RAPGEF1: variants seen among roughly 807,000 people sequenced by gnomAD.
The protein encoded by RAPGEF1 is CRK SH3-binding GNRP.
RAPGEF1 carries 33 observed loss-of-function variants against 143.3 expected under a neutral mutation model. That is an observed-to-expected ratio of 0.23 (90% CI 0.17 to 0.31). RAPGEF1 has a LOEUF of 0.31. RAPGEF1 is among the 10% of genes least tolerant of loss of function. The pLI is 1.00. For synonymous variants in RAPGEF1, 629 were observed against 676.5 expected (o/e 0.93, Z 1.09); for missense variants, 1,199 against 1,645.4 (o/e 0.73, Z 4.69).
chr9:131,672,495 G>T (rs1376191635), intron 1 of RAPGEF1, among the ~76,000 whole-genome samples: 1 of 152,170 alleles, frequency 6.6e-6, no homozygotes, highest in African/African-American at 2.4e-5. Flanking sequence ...CTGGGGAAGG[G>T]ACCCAGGACA....
At chr9:131,622,443 G>A (rs977661471) in intron 10 of RAPGEF1, among the ~76,000 whole-genome samples, 1 of 152,160 alleles carries the variant, frequency 6.6e-6, no homozygotes, top group Non-Finnish European at 1.5e-5. Flanking sequence ...AGGCTTCTCT[G>A]CAAACCCCAA....
chr9:131,630,731 C>T (rs1405745093), intron 5 of RAPGEF1, among the ~76,000 whole-genome samples: 2 of 152,084 alleles, frequency 1.3e-5, no homozygotes, highest in Non-Finnish European at 2.9e-5. Flanking sequence ...TGGGTGGTTT[C>T]CCAAGGCGAG....
Position 131,628,173 on chromosome 9 carries a change from G to GC in RAPGEF1, c.1018-78dup. On this transcript the variant is annotated intron_variant, in intron 8 of 26. Transcript: ENST00000683357. This position sits in a 1 kb window ranked among gnomAD's most constrained non-coding sequence, Gnocchi z 5.7. Reference sequence around the variant, plus strand: ...ACAGACCAGGGGTGAGGCAACCGGTGCATTTACTTAGAGAAGGAAATACTG... The same window carrying GC: ...ACAGACCAGGGGTGAGGCAACCGGTGCCATTTACTTAGAGAAGGAAATACTG... 1 of 1,318,302 alleles carries GC rather than the reference G, an allele frequency of 7.6e-7. No homozygotes were observed. Among genetic ancestry groups the GC allele is most frequent in the Non-Finnish European group, 1.0e-6 (1 of 989,556 alleles). 81.7% of individuals were successfully genotyped at this position (1,318,302 alleles called of 1,614,324 possible). A position where few individuals can be genotyped will look rare whatever the true frequency, so the allele number is the denominator to read the frequency against.
intron 1 of RAPGEF1, among the ~76,000 whole-genome samples, chr9:131,731,535 A>G (rs1013264264): frequency 6.6e-6 from 1 of 152,238 alleles, no homozygotes; most frequent in Admixed American, 6.5e-5. Context: ...TTCTCATTCC[A>G]TGTCCTTCCT....
intron 1 of RAPGEF1, among the ~76,000 whole-genome samples, chr9:131,708,420 A>G (rs1835248183): frequency 6.6e-6 from 1 of 152,160 alleles, no homozygotes; most frequent in African/African-American, 2.4e-5. Context: ...GCACTGAGAC[A>G]CTATTAAAGG....
chr9:131,619,067 C>T lies in RAPGEF1; in HGVS notation c.2045G>A (p.Ser682Asn). The change falls in exon 12 of 27, where the codon AGC (serine) becomes AAC (asparagine). Residue 682 changes from serine (S) to asparagine (N), a missense_variant. Coordinates refer to ENST00000683357, the MANE Select transcript of RAPGEF1 (RefSeq NM_001377935.1). ...GCAACTCACCGAGGGCACGGGCAAG[C>T]TGCCGTGCCGGCTGAGAAAGGAGTT... ...VSNSFLSRHG[S>N]LPVPSYKSVF... is the part of the protein sequence containing the mutation. 1 of 1,359,562 alleles carries T rather than the reference C, an allele frequency of 7.4e-7. No homozygotes were observed. The highest frequency in any genetic ancestry group is 9.8e-7 in the Non-Finnish European group (1 of 1,019,132). The allele number at this position is 1,359,562 out of a possible 1,614,324, so 84.2% of individuals were successfully genotyped here.
At chr9:131,652,920 A>C (rs1239799943) in intron 1 of RAPGEF1, among the ~76,000 whole-genome samples, 1 of 152,232 alleles carries the variant, frequency 6.6e-6, no homozygotes. Context: ...CAGGTGAGTA[A>C]TGCATTGCGC....
intron 15 of RAPGEF1, among the ~76,000 whole-genome samples, chr9:131,598,866 C>G (rs1360362659): frequency 6.6e-6 from 1 of 151,058 alleles, no homozygotes; most frequent in Non-Finnish European, 1.5e-5. Context: ...GCTCTGTCAC[C>G]CAGGCTGGAG....
chr9:131,602,231 G>C lies in RAPGEF1; in HGVS notation c.2413-82C>G, dbSNP rs1318379721. On this transcript the variant is annotated intron_variant, in intron 14 of 26. Coordinates refer to ENST00000683357, the MANE Select transcript of RAPGEF1 (RefSeq NM_001377935.1). ...GTCTTCCCAGCATTCCTGCCTGCAAGTGGCTGTGGAGTGCAAGTTCCTATG... is the reference window on the plus strand; with the variant it reads ...GTCTTCCCAGCATTCCTGCCTGCAACTGGCTGTGGAGTGCAAGTTCCTATG... 8 of 1,065,640 alleles carry C rather than the reference G, an allele frequency of 7.5e-6. No homozygotes were observed. The African/African-American group carries it at 1.3e-4, about 17-fold the overall frequency. The allele number at this position is 1,065,640 out of a possible 1,614,324, so 66.0% of individuals were successfully genotyped here.
chr9:131,732,254 AT>A (rs1180862945), intron 1 of RAPGEF1, among the ~76,000 whole-genome samples: 2 of 146,714 alleles, frequency 1.4e-5, no homozygotes, highest in Non-Finnish European at 3.0e-5. Flanking sequence ...AAAAAAAAAA[AT>A]AACAAGTAGG....
chr9:131,713,413 C>A (rs1403760271), intron 1 of RAPGEF1, among the ~76,000 whole-genome samples: 1 of 152,106 alleles, frequency 6.6e-6, no homozygotes, highest in African/African-American at 2.4e-5. Flanking sequence ...GGATCCAGCC[C>A]CCAAATCTTT....
At chr9:131,737,495 C>G in intron 1 of RAPGEF1, 1 of 1,613,550 alleles carries the variant, frequency 6.2e-7, no homozygotes, top group Non-Finnish European at 8.5e-7. Context: ...GGAGCAGGCA[C>G]TTTCATCTAC....
At chr9:131,707,592 C>T (rs1435503400) in intron 1 of RAPGEF1, among the ~76,000 whole-genome samples, 1 of 152,114 alleles carries the variant, frequency 6.6e-6, no homozygotes, top group African/African-American at 2.4e-5. Context: ...AGATGTGCAC[C>T]AGCACGCCTG....
intron 1 of RAPGEF1, chr9:131,709,475 A>G: frequency 2.9e-6 from 2 of 692,324 alleles, no homozygotes; most frequent in South Asian, 1.9e-5. Flanking sequence ...AGAATTGTGA[A>G]TTTTCTTGAA....
In RAPGEF1 at chr9:131,675,591, T is replaced by C. The variant is rs1461923813; in HGVS notation, c.62-24642A>G. On this transcript the variant is annotated intron_variant, in intron 1 of 26. Coordinates refer to ENST00000683357, the MANE Select transcript of RAPGEF1 (RefSeq NM_001377935.1). This position sits in a 1 kb window ranked among gnomAD's most constrained non-coding sequence, Gnocchi z 4.6. ...AAAAATGAATTCCCCAACCATGTCTTACAGCAAATTGCCACAAGGCAAAAT... is the reference window on the plus strand; with the variant it reads ...AAAAATGAATTCCCCAACCATGTCTCACAGCAAATTGCCACAAGGCAAAAT... Among the ~76,000 whole-genome samples, 1 of 152,216 alleles carries C rather than the reference T, an allele frequency of 6.6e-6. No individual in the cohort carries two copies. Among genetic ancestry groups the C allele is most frequent in the Non-Finnish European group, 1.5e-5 (1 of 68,038 alleles).
intron 10 of RAPGEF1, among the ~76,000 whole-genome samples, chr9:131,625,442 C>T (rs185652339): frequency 3.0e-4 from 46 of 152,298 alleles, no homozygotes; most frequent in African/African-American, 1.1e-3. Flanking sequence ...TGCTGGGCAA[C>T]CCCAGCTTCC....
intron 1 of RAPGEF1, among the ~76,000 whole-genome samples, chr9:131,669,006 G>A (rs371060126): frequency 1.3e-5 from 2 of 152,204 alleles, no homozygotes; most frequent in African/African-American, 4.8e-5. Flanking sequence ...GTGCTCTGCC[G>A]GGGCCGCAGC....
intron 19 of RAPGEF1, 116 bp downstream of exon 19, chr9:131,589,770 C>T: frequency 1.0e-6 from 1 of 964,738 alleles, no homozygotes; most frequent in Non-Finnish European, 1.6e-6. Flanking sequence ...TCTCAAAGGA[C>T]CAAGATAGAG....
chr9:131,659,438 C>T (rs925737354), intron 1 of RAPGEF1, among the ~76,000 whole-genome samples: 2 of 152,068 alleles, frequency 1.3e-5, no homozygotes, highest in African/African-American at 2.4e-5. Flanking sequence ...AGGTTGGTCT[C>T]GAACTCCTGG....
Sources: allele counts gnomAD v4.1 joint callset (sites outside exome capture counted in the v4.1 genomes callset), GRCh38; gene constraint gnomAD v4.1.1; non-coding constraint Gnocchi (gnomAD v3.1); transcripts MANE v1.5; gene names NCBI Gene and HGNC (gene_info 2026-07-23, HGNC 2026-07-21).